NCBP1: variants seen among roughly 807,000 people sequenced by gnomAD.
NCBP1 encodes nuclear cap-binding protein subunit 1.
Under a neutral mutation model 111.7 loss-of-function variants are expected in NCBP1, and 16 were observed. That is an observed-to-expected ratio of 0.14 (90% CI 0.10 to 0.22). NCBP1 has a LOEUF of 0.22. Ranked by LOEUF, NCBP1 falls within the 10% of genes least tolerant of loss-of-function variation. NCBP1 has a pLI of 1.00. For missense variants in NCBP1, 607 were observed against 957.5 expected (o/e 0.63, Z 4.83); for synonymous variants, 304 against 314.3 (o/e 0.97, Z 0.35).
chr9:97,670,945 T>C, intron 22 of NCBP1, 141 bp from the exon 23 acceptor site: 1 of 487,360 alleles, frequency 2.1e-6, no homozygotes. Context: ...TTTTCAGGGG[T>C]CCATTGTTCC....
At chr9:97,656,507 C>T (rs1393402127) in intron 14 of NCBP1, among the ~76,000 whole-genome samples, 1 of 151,926 alleles carries the variant, frequency 6.6e-6, no homozygotes, top group African/African-American at 2.4e-5. Flanking sequence ...GCCAAGATGG[C>T]GCCACTGCAC....
intron 6 of NCBP1, 33 bp downstream of exon 6, chr9:97,645,765 T>G (rs1827314620): frequency 1.9e-6 from 3 of 1,608,964 alleles, no homozygotes; most frequent in Non-Finnish European, 8.5e-7. Flanking sequence ...TCTTTGTTGC[T>G]TAGGTAAAGG....
At chr9:97,646,823 G>C (rs1441006831) in intron 6 of NCBP1, among the ~76,000 whole-genome samples, 1 of 129,444 alleles carries the variant, frequency 7.7e-6, no homozygotes, top group East Asian at 2.4e-4. Context: ...CTGGGCAACA[G>C]AGTGAGACTC....
At chr9:97,658,955 T>A (rs987227697) in intron 15 of NCBP1, among the ~76,000 whole-genome samples, 1 of 152,254 alleles carries the variant, frequency 6.6e-6, no homozygotes, top group African/African-American at 2.4e-5. Context: ...TACTGGCTTA[T>A]CATTTTTTCT....
chr9:97,658,836 C>T, intron 15 of NCBP1, 93 bp downstream of exon 15: 1 of 980,394 alleles, frequency 1.0e-6, no homozygotes, highest in Non-Finnish European at 1.6e-6. Flanking sequence ...TGAACTTTTT[C>T]TTTTCTTGGG....
At chr9:97,651,602 A>G (rs570887575) in intron 10 of NCBP1, among the ~76,000 whole-genome samples, 1 of 152,246 alleles carries the variant, frequency 6.6e-6, no homozygotes, top group African/African-American at 2.4e-5. Flanking sequence ...TGAATTGCCT[A>G]TAAGTTATTT....
At chr9:97,658,519 C>T in intron 14 of NCBP1, 121 bp from the exon 15 acceptor site, 5 of 719,946 alleles carry the variant, frequency 6.9e-6, no homozygotes, top group Admixed American at 5.1e-5. Context: ...TTTTCCCTTT[C>T]ACTTCTTGGT....
chr9:97,642,135 G>A (rs1230112568), intron 3 of NCBP1, among the ~76,000 whole-genome samples: 1 of 152,046 alleles, frequency 6.6e-6, no homozygotes, highest in Non-Finnish European at 1.5e-5. Flanking sequence ...TATCCATGAG[G>A]TGTTTTTAAA....
At chr9:97,668,814 G>A (rs1828089449) in intron 20 of NCBP1, 32 bp from the exon 21 acceptor site, 7 of 1,603,036 alleles carry the variant, frequency 4.4e-6, no homozygotes, top group Admixed American at 1.7e-5. Context: ...AATCTAAATG[G>A]TATTTTCCTT....
intron 15 of NCBP1, among the ~76,000 whole-genome samples, chr9:97,659,731 G>A (rs1017016396): frequency 3.3e-5 from 5 of 152,104 alleles, no homozygotes; most frequent in South Asian, 2.1e-4. Context: ...TACTGGTTCC[G>A]AGAATGATAA....
rs1324672732 is a variant in NCBP1, at chr9:97,669,724, A to T, written c.2259+18A>T. 1.4e-6 allele frequency: 2 copies of T among 1,461,542 alleles called. No individual in the cohort carries two copies. The highest frequency in any genetic ancestry group is 1.9e-6 in the Non-Finnish European group (2 of 1,041,096). The allele number at this position is 1,461,542 out of a possible 1,614,324, so 90.5% of individuals were successfully genotyped here. On this transcript the variant is annotated intron_variant, in intron 22 of 22. Coordinates refer to ENST00000375147, the MANE Select transcript of NCBP1 (RefSeq NM_002486.5). ...TCCTACAGGTATGTGGGGAACTTCG[A>T]TTAGGTAATAACACTATTCTCAGCC... is the stretch of plus-strand genomic sequence containing the variant.
chr9:97,668,870 A>G lies in NCBP1; in HGVS notation c.2041A>G (p.Ser681Gly). Residue 681 changes from serine (S) to glycine (G), a missense_variant, in exon 21 of 23, where the codon AGT (serine) becomes GGT (glycine). Ser to Gly is a moderately conservative substitution (Grantham distance 56). Around this residue, in one of 9 missense-constraint regions of NCBP1, gnomAD observed 282 missense variants for 376.5 expected, o/e 0.75. Coordinates refer to ENST00000375147, the MANE Select transcript of NCBP1 (RefSeq NM_002486.5). ...KRRSDDDDRSSDRKDGVLEEQ... is the reference protein window; with the variant it reads ...KRRSDDDDRSGDRKDGVLEEQ... ...GCGAAGTGATGATGACGACAGAAGC[A>G]GTGACAGGAAAGACGGGGTTCTTGA... 8 of 1,613,886 alleles carry G rather than the reference A, an allele frequency of 5.0e-6. No homozygotes were observed. Among genetic ancestry groups the G allele is most frequent in the African/African-American group, 1.3e-5 (1 of 75,030 alleles).
chr9:97,635,466 A>C (rs1192931558), intron 1 of NCBP1, among the ~76,000 whole-genome samples: 1 of 145,502 alleles, frequency 6.9e-6, no homozygotes, highest in Non-Finnish European at 1.5e-5. Context: ...GCTGGAGTGC[A>C]GTGGCGCGAT....
chr9:97,645,651 T>C lies in NCBP1; in HGVS notation c.530T>C (p.Leu177Ser). ...TATGTGTATGCATTTCTGTCATCTT[T>C]GCCCTGGGTTGGAAAGGAGTTGTAC... ...DWYVYAFLSSLPWVGKELYEK... is the reference protein window; with the variant it reads ...DWYVYAFLSSSPWVGKELYEK... The change falls in exon 6 of 23, where the codon TTG becomes TCG. Residue 177 changes from leucine to serine, a missense_variant. Physicochemically the swap from Leu to Ser is moderately radical, Grantham distance 145. This residue lies in a region of NCBP1 where 185 missense variants were observed against 272.0 expected (regional missense o/e 0.68). Coordinates refer to ENST00000375147, the MANE Select transcript of NCBP1 (RefSeq NM_002486.5). The C allele has an allele frequency of 6.2e-7, 1 of 1,614,112 alleles. No homozygotes were observed. Among genetic ancestry groups the C allele is most frequent in the Non-Finnish European group, 8.5e-7 (1 of 1,179,952 alleles).
At position 97,673,172 on chromosome 9, in the gene NCBP1, T is replaced by G. The variant is rs1049802288; in HGVS notation, c.*1973T>G. The G allele has an allele frequency of 6.6e-6, 1 of 152,162 alleles. No homozygotes were observed. The highest frequency in any genetic ancestry group is 6.5e-5 in the Admixed American group (1 of 15,280). 9.4% of individuals were successfully genotyped at this position (152,162 alleles called of 1,614,324 possible). A position where few individuals can be genotyped will look rare whatever the true frequency, so the allele number is the denominator to read the frequency against. On this transcript the variant is annotated 3_prime_UTR_variant, in exon 23 of 23. Transcript: ENST00000375147. ...TAGCATATAACATACAAAATGAGTT[T>G]ATCAACTGTTTGTTATTGGTAAGTC...
chr9:97,644,329 C>T (rs2131337200), intron 4 of NCBP1, among the ~76,000 whole-genome samples: 1 of 152,246 alleles, frequency 6.6e-6, no homozygotes, highest in East Asian at 1.9e-4. Flanking sequence ...AAATAACTTG[C>T]AGATCCCTAA....
At chr9:97,666,607 A>G (rs558938098) in intron 19 of NCBP1, among the ~76,000 whole-genome samples, 156 bp from the exon 20 acceptor site, 1 of 152,204 alleles carries the variant, frequency 6.6e-6, no homozygotes, top group African/African-American at 2.4e-5. Flanking sequence ...ACAATAAAAG[A>G]CCAATTTGTA....
intron 1 of NCBP1, chr9:97,635,812 TTTGTTCTTTTCTTTG>T (rs1455159395): frequency 2.0e-5 from 3 of 152,244 alleles, no homozygotes; most frequent in African/African-American, 7.2e-5. Context: ...ACTTGAGTCT[TTTGTTCTTTTCTTTG>T]TTGTTCTAAT....
chr9:97,656,032 T>G lies in NCBP1; in HGVS notation c.1320T>G (p.Asp440Glu), dbSNP rs1463331210. The G allele has an allele frequency of 6.2e-7, 1 of 1,614,036 alleles. No individual in the cohort carries two copies. The highest frequency in any genetic ancestry group is 1.1e-5 in the South Asian group (1 of 91,084). ...TTAGGTCAGATTGTCTTAGTCAAGA[T>G]CCTGAAAGTCCCAAACCGAAGTTTG... ...WEDWSDCLSQ[D>E]PESPKPKFVR... The change falls in exon 14 of 23, where the codon GAT becomes GAG. Residue 440 changes from aspartate to glutamate, a missense_variant. Around this residue, in one of 9 missense-constraint regions of NCBP1, gnomAD observed 282 missense variants for 376.5 expected, o/e 0.75. Coordinates refer to ENST00000375147, the MANE Select transcript of NCBP1 (RefSeq NM_002486.5).
Sources: gnomAD v4.1 joint callset for allele counts (sites outside exome capture counted in the v4.1 genomes callset) on GRCh38, gnomAD v4.1.1 for gene constraint, gnomAD v4.1.1 regional missense constraint, MANE v1.5 for transcripts, NCBI Gene and HGNC (gene_info 2026-07-23, HGNC 2026-07-21) for gene names.